Variants in ELAPOR2 observed in about 807,000 individuals in gnomAD.
ELAPOR2 encodes the protein endosome/lysosome-associated apoptosis and autophagy regulator family member 2.
ELAPOR2 carries 89 observed loss-of-function variants against 120.7 expected under a neutral mutation model. The ratio of observed to expected loss-of-function variants is 0.74; its 90% CI spans 0.62 to 0.88. The LOEUF (loss-of-function observed/expected upper bound fraction) is 0.88. ELAPOR2 is among the 40% of genes least tolerant of loss of function. The probability of loss-of-function intolerance (pLI) is 0.00; values close to 1 mark genes in which losing one functional copy is unlikely to be tolerated. For synonymous variants in ELAPOR2, 444 were observed against 444.9 expected (o/e 1.00, Z 0.03); for missense variants, 1,134 against 1,251.6 (o/e 0.91, Z 1.42).
intron 19 of ELAPOR2, 149 bp downstream of exon 19, chr7:86,897,357 A>C (rs1788482801): frequency 2.2e-6 from 2 of 920,618 alleles, no homozygotes; most frequent in Middle Eastern, 2.3e-4. Flanking sequence ...CTGAGAGTTC[A>C]GCTGCCAAAC....
intron 1 of ELAPOR2, among the ~76,000 whole-genome samples, chr7:87,023,871 G>C (rs1794149617): frequency 6.6e-6 from 1 of 152,150 alleles, no homozygotes; most frequent in African/African-American, 2.4e-5. Context: ...CTGTTTGTCT[G>C]TTGTTGGTGT....
Position 86,940,038 on chromosome 7 carries a change from A to G in ELAPOR2, c.819T>C (p.Pro273=), listed in dbSNP as rs142291308. 7.5e-6 allele frequency: 12 copies of G among 1,610,116 alleles called. No individual in the cohort carries two copies. In the African/African-American group the frequency reaches 1.5e-4, roughly 20 times the overall value. ...GILMGSKAVK[P]VLVKNITIEG... Reference sequence around the variant, plus strand: ...CAATTGTGATATTTTTTACCAGCACAGGCTTGACCGCCTTAGAACCCATAA... The same window carrying G: ...CAATTGTGATATTTTTTACCAGCACGGGCTTGACCGCCTTAGAACCCATAA... Residue 273 remains proline, a synonymous_variant, in exon 6 of 22, where the codon CCT becomes CCC. Transcript: ENST00000450689.
intron 20 of ELAPOR2, among the ~76,000 whole-genome samples, chr7:86,892,675 G>A (rs1469353912): frequency 1.3e-5 from 2 of 151,980 alleles, no homozygotes; most frequent in Admixed American, 6.6e-5. Context: ...GGAGCCTCTT[G>A]TTTTCCTTGT....
intron 18 of ELAPOR2, among the ~76,000 whole-genome samples, chr7:86,901,711 T>C (rs1371610434): frequency 1.3e-5 from 2 of 152,226 alleles, no homozygotes; most frequent in East Asian, 1.9e-4. Context: ...GGATAAACTA[T>C]TGTTGCTAAG....
chr7:87,026,848 T>C lies in ELAPOR2; in HGVS notation c.189+32477A>G, dbSNP rs1013918066. 2.0e-5 allele frequency among the ~76,000 whole-genome samples: 3 copies of C among 152,084 alleles called. No individual in the cohort carries two copies. The East Asian group carries it at 5.8e-4, about 29-fold the overall frequency. ...CCAACTGTTTTATGAGGATGCATCA[T>C]AATGGCCTGTATCCCAATTAAAACC... On this transcript the variant is annotated intron_variant, in intron 1 of 21. Transcript: ENST00000450689.
At chr7:86,912,771 G>A (rs1311144242) in intron 14 of ELAPOR2, among the ~76,000 whole-genome samples, 170 bp downstream of exon 14, 1 of 152,190 alleles carries the variant, frequency 6.6e-6, no homozygotes, top group Non-Finnish European at 1.5e-5. Flanking sequence ...ATAGCATACA[G>A]TAAGTGTTTA....
intron 1 of ELAPOR2, among the ~76,000 whole-genome samples, chr7:87,019,299 G>C (rs746068532): frequency 6.6e-6 from 1 of 152,042 alleles, no homozygotes; most frequent in African/African-American, 2.4e-5. Context: ...GAGTAGCTGG[G>C]ACCACAGGCA....
At position 87,014,322 on chromosome 7, in the gene ELAPOR2, T is replaced by C. The variant is rs1793794995; in HGVS notation, c.189+45003A>G. On this transcript the variant is annotated intron_variant, in intron 1 of 21. Transcript: ENST00000450689. ...TTTTTTTCTAGGACCAATTGTTCAG[T>C]ATTGGCTAATTCAGTCTTCATGGCA... Among the ~76,000 whole-genome samples, 2 of 152,194 alleles carry C rather than the reference T, an allele frequency of 1.3e-5. 1 individual carries two copies. Among genetic ancestry groups the C allele is most frequent in the African/African-American group, 4.8e-5 (2 of 41,468 alleles).
At chr7:87,024,447 C>T (rs960947849) in intron 1 of ELAPOR2, among the ~76,000 whole-genome samples, 2 of 152,010 alleles carry the variant, frequency 1.3e-5, no homozygotes, top group African/African-American at 2.4e-5. Context: ...TTTTTGATGT[C>T]CTGCTGGATT....
At chr7:86,908,170 C>CACACAA (rs1466554057) in intron 17 of ELAPOR2, among the ~76,000 whole-genome samples, 1 of 151,640 alleles carries the variant, frequency 6.6e-6, no homozygotes, top group Non-Finnish European at 1.5e-5. Flanking sequence ...CACACACACA[C>CACACAA]ACACACACAC....
intron 15 of ELAPOR2, chr7:86,911,761 A>T: frequency 1.9e-6 from 1 of 515,578 alleles, no homozygotes; most frequent in East Asian, 5.1e-5. Flanking sequence ...CTGCCTAAAG[A>T]GGTAAGATTG....
At chr7:87,002,841 C>T (rs1793361388) in intron 1 of ELAPOR2, among the ~76,000 whole-genome samples, 1 of 152,118 alleles carries the variant, frequency 6.6e-6, no homozygotes, top group Non-Finnish European at 1.5e-5. Flanking sequence ...GAGCATGGGA[C>T]ACTTCTGTGA....
chr7:87,028,528 T>C (rs1174328676), intron 1 of ELAPOR2, among the ~76,000 whole-genome samples: 1 of 152,056 alleles, frequency 6.6e-6, no homozygotes, highest in Non-Finnish European at 1.5e-5. Flanking sequence ...TACATATATA[T>C]AAATATATTT....
Position 87,024,478 on chromosome 7 carries a change from G to A in ELAPOR2, c.189+34847C>T, listed in dbSNP as rs139362038. On this transcript the variant is annotated intron_variant, in intron 1 of 21. Transcript: ENST00000450689. ...GGATTCGGTTTGCCAGTATTTTATCGAGGATTTCTGCATCAATGTTCATCA... is the reference window on the plus strand; with the variant it reads ...GGATTCGGTTTGCCAGTATTTTATCAAGGATTTCTGCATCAATGTTCATCA... Among the ~76,000 whole-genome samples, 119 of 152,168 alleles carry A rather than the reference G, an allele frequency of 7.8e-4. 2 individuals carry two copies. The East Asian group carries it at 0.016, about 20-fold the overall frequency.
chr7:86,983,394 C>A (rs550157784), intron 1 of ELAPOR2, among the ~76,000 whole-genome samples: 49 of 152,156 alleles, frequency 3.2e-4, no homozygotes, highest in Non-Finnish European at 6.3e-4. Context: ...GTCAGATTCA[C>A]CAAGGTTGAA....
intron 1 of ELAPOR2, among the ~76,000 whole-genome samples, chr7:87,021,729 C>T (rs965973677): frequency 6.6e-6 from 1 of 152,138 alleles, no homozygotes; most frequent in Non-Finnish European, 1.5e-5. Flanking sequence ...CTCTCTTTAA[C>T]ACATTTATTT....
intron 1 of ELAPOR2, among the ~76,000 whole-genome samples, chr7:87,021,566 T>G (rs1400597688): frequency 6.6e-6 from 1 of 152,182 alleles, no homozygotes; most frequent in Non-Finnish European, 1.5e-5. Flanking sequence ...CGTATACCAC[T>G]GTTTAGTTAA....
chr7:86,998,527 T>C (rs1793200870), intron 1 of ELAPOR2, among the ~76,000 whole-genome samples: 1 of 152,276 alleles, frequency 6.6e-6, no homozygotes, highest in South Asian at 2.1e-4. Context: ...TTCTTGCATT[T>C]TGGGGCAGAG....
chr7:87,032,376 G>A lies in ELAPOR2; in HGVS notation c.189+26949C>T, dbSNP rs1369953968. On this transcript the variant is annotated intron_variant, in intron 1 of 21. Coordinates refer to ENST00000450689, the MANE Select transcript of ELAPOR2 (RefSeq NM_001142749.3). ...ATGCCTGAGCCATATTAACTGATAAGTCTTAAAAGAAAGAGGTGTAAGGAA... is the reference window on the plus strand; with the variant it reads ...ATGCCTGAGCCATATTAACTGATAAATCTTAAAAGAAAGAGGTGTAAGGAA... 2.6e-5 allele frequency among the ~76,000 whole-genome samples: 4 copies of A among 152,192 alleles called. No homozygotes were observed. The East Asian group carries it at 5.8e-4, about 22-fold the overall frequency.
Sources: gnomAD v4.1 joint callset for allele counts (sites outside exome capture counted in the v4.1 genomes callset) on GRCh38, gnomAD v4.1.1 for gene constraint, MANE v1.5 for transcripts, NCBI Gene and HGNC (gene_info 2026-07-23, HGNC 2026-07-21) for gene names.